TSKS: variants seen among roughly 807,000 people sequenced by gnomAD.
TSKS encodes testis-specific serine kinase substrate.
Under a neutral mutation model 68.0 loss-of-function variants are expected in TSKS, and 27 were observed. The ratio of observed to expected loss-of-function variants is 0.40; its 90% confidence interval spans 0.29 to 0.55. The LOEUF is 0.55. Ranked by LOEUF, TSKS falls within the 20% of genes least tolerant of loss-of-function variation. The pLI is 0.53. For missense variants in TSKS, 806 were observed against 776.0 expected (o/e 1.04, Z -0.46); for synonymous variants, 331 against 340.4 (o/e 0.97, Z 0.30).
At position 49,745,347 on chromosome 19, in the gene TSKS, C is replaced by T. The variant is rs571483954; in HGVS notation, c.1042G>A (p.Val348Met). 1 of 1,596,158 alleles carries T rather than the reference C, an allele frequency of 6.3e-7. No individual in the cohort carries two copies. Among genetic ancestry groups the T allele is most frequent in the Non-Finnish European group, 8.5e-7 (1 of 1,175,706 alleles). ...CCGAGCAGCCGCAGGGCTTCCTGCA[C>T]CGCCCCCTCCTCCTGATGCCACCGG... ...TARWHQEEGA[V>M]QEALRLLGGL... Residue 348 changes from valine to methionine, a missense_variant, in exon 7 of 11, where the codon GTG (valine) becomes ATG (methionine). Val to Met is a conservative substitution (Grantham distance 21, BLOSUM62 1). Transcript: ENST00000246801.
At chr19:49,748,572 T>C in intron 2 of TSKS, 103 bp from the exon 3 acceptor site, 1 of 1,086,318 alleles carries the variant, frequency 9.2e-7, no homozygotes, top group South Asian at 1.5e-5. Flanking sequence ...ACCTTGATTT[T>C]GCCCTGGAAT....
chr19:49,761,984 G>A lies in TSKS; in HGVS notation c.399+20C>T, dbSNP rs1440203924. The stretch of plus-strand genomic sequence containing the variant: ...GGAGGACCTCGGTCCTCCCCAGCGG[G>A]TGGTGTGGAGGGCCCTCACCAGGAT... On this transcript the variant is annotated intron_variant, in intron 2 of 10. Coordinates refer to ENST00000246801, the MANE Select transcript of TSKS (RefSeq NM_021733.2). The A allele has an allele frequency of 6.3e-7, 1 of 1,585,046 alleles. No homozygotes were observed. Among genetic ancestry groups the A allele is most frequent in the Non-Finnish European group, 8.7e-7 (1 of 1,155,606 alleles).
At chr19:49,759,194 G>A (rs954377029) in intron 2 of TSKS, among the ~76,000 whole-genome samples, 3 of 151,402 alleles carry the variant, frequency 2.0e-5, no homozygotes, top group Admixed American at 6.6e-5. Context: ...GGTGAAGCCG[G>A]GAGCGGTGGC....
chr19:49,747,942 C>G (rs1370756918), intron 4 of TSKS, 143 bp downstream of exon 4: 5 of 756,628 alleles, frequency 6.6e-6, no homozygotes, highest in Non-Finnish European at 1.1e-5. Flanking sequence ...CTCCTGACCT[C>G]AGGTGATCTG....
At chr19:49,761,006 T>C (rs901859303) in intron 2 of TSKS, among the ~76,000 whole-genome samples, 1 of 152,010 alleles carries the variant, frequency 6.6e-6, no homozygotes, top group Non-Finnish European at 1.5e-5. Context: ...GAGAATGGCT[T>C]GAACCCGGCC....
At chr19:49,741,744 G>T in intron 9 of TSKS, 141 bp downstream of exon 9, 1 of 1,154,026 alleles carries the variant, frequency 8.7e-7, no homozygotes, top group Non-Finnish European at 1.3e-6. Context: ...TTAGGGCCAA[G>T]TCCTCCCCCA....
intron 6 of TSKS, among the ~76,000 whole-genome samples, chr19:49,746,116 G>A (rs368556872): frequency 3.9e-5 from 6 of 152,250 alleles, no homozygotes; most frequent in African/African-American, 1.4e-4. Flanking sequence ...CCGGGAGGCG[G>A]AGCTTGCAGT....
intron 7 of TSKS, 72 bp from the exon 8 acceptor site, chr19:49,744,476 A>G: frequency 1.3e-6 from 2 of 1,508,504 alleles, no homozygotes; most frequent in African/African-American, 1.4e-5. Context: ...TCCACCCATT[A>G]TTAGCCCACC....
Position 49,745,238 on chromosome 19 carries a change from T to C in TSKS, c.1151A>G (p.Gln384Arg). The change falls in exon 7 of 11, where the codon CAG becomes CGG. Residue 384 changes from glutamine to arginine, a missense_variant. Coordinates refer to ENST00000246801, the MANE Select transcript of TSKS (RefSeq NM_021733.2). ...REQAQTARDL[Q>R]ELRGRADELC... Reference sequence around the variant, plus strand: ...CTCATCCGCCCGACCTCGCAGCTCCTGCAAGTCCCGCGCCGTCTGTGCCTG... The same window carrying C: ...CTCATCCGCCCGACCTCGCAGCTCCCGCAAGTCCCGCGCCGTCTGTGCCTG... The C allele has an allele frequency of 6.2e-7, 1 of 1,606,936 alleles. No individual in the cohort carries two copies. Among genetic ancestry groups the C allele is most frequent in the African/African-American group, 1.3e-5 (1 of 74,974 alleles).
intron 8 of TSKS, among the ~76,000 whole-genome samples, chr19:49,742,312 G>A (rs990992833): frequency 1.3e-5 from 2 of 149,102 alleles, no homozygotes; most frequent in East Asian, 2.0e-4. Flanking sequence ...ATTCTCCTGC[G>A]TCAGCCTCCC....
rs766426447 is a variant in TSKS, at chr19:49,763,039, G to A, written c.170+39C>T. ...TCCTGCTCTGTTGGAGGTAGTGCTGGGCATTAGAACCATCCCTGACAGTGT... is the reference window on the plus strand; with the variant it reads ...TCCTGCTCTGTTGGAGGTAGTGCTGAGCATTAGAACCATCCCTGACAGTGT... On this transcript the variant is annotated intron_variant, in intron 1 of 10. Transcript: ENST00000246801. This position sits in a 1 kb window ranked among gnomAD's most constrained non-coding sequence, Gnocchi z 4.5. The A allele has an allele frequency of 6.3e-7, 1 of 1,586,556 alleles. No homozygotes were observed. The highest frequency in any genetic ancestry group is 8.6e-7 in the Non-Finnish European group (1 of 1,167,114).
At chr19:49,757,749 C>G (rs1164665801) in intron 2 of TSKS, among the ~76,000 whole-genome samples, 1 of 152,008 alleles carries the variant, frequency 6.6e-6, no homozygotes, top group Non-Finnish European at 1.5e-5. Flanking sequence ...TGTGTCTGTT[C>G]CTTCTCTCTC....
In TSKS at chr19:49,743,501, T is replaced by C. The variant is rs558500573; in HGVS notation, c.1361+730A>G. On this transcript the variant is annotated intron_variant, in intron 8 of 10. Transcript: ENST00000246801. ...CGGGTCCAAGTGAATTTCTTTTTTT[T>C]TTTTTTTTTTTTTTGAGATGGAGTC... 9.3e-5 allele frequency among the ~76,000 whole-genome samples: 13 copies of C among 140,064 alleles called. No homozygotes were observed. In the East Asian group the frequency reaches 2.7e-3, roughly 29 times the overall value. The allele number at this position is 140,064 out of a possible 152,430, so 91.9% of individuals were successfully genotyped here. A position where few individuals can be genotyped will look rare whatever the true frequency, so the allele number is the denominator to read the frequency against.
At chr19:49,760,896 C>G (rs760146921) in intron 2 of TSKS, among the ~76,000 whole-genome samples, 4 of 152,064 alleles carry the variant, frequency 2.6e-5, no homozygotes, top group Non-Finnish European at 5.9e-5. Context: ...CGAGACCAGC[C>G]TGACCAACAT....
At chr19:49,741,832 C>T (rs1239242681) in intron 9 of TSKS, 53 bp downstream of exon 9, 2 of 1,612,086 alleles carry the variant, frequency 1.2e-6, no homozygotes, top group African/African-American at 2.7e-5. Context: ...TTCCCCTCCC[C>T]TTGCCCCAAC....
Position 49,742,000 on chromosome 19 carries a change from G to C in TSKS, c.1382C>G (p.Thr461Arg), listed in dbSNP as rs755133449. ...RCASQGSQLS[T>R]ESLQQLLDRA... Reference sequence around the variant, plus strand: ...GTCCAGCAGCTGCTGCAGGGACTCCGTAGACAACTGCGACCCCTGGCTGGG... The same window carrying C: ...GTCCAGCAGCTGCTGCAGGGACTCCCTAGACAACTGCGACCCCTGGCTGGG... The change falls in exon 9 of 11, where the codon ACG becomes AGG. Residue 461 changes from threonine (T) to arginine (R), a missense_variant. By Grantham distance (71) the Thr-to-Arg change is moderately conservative (BLOSUM62 -1). Transcript: ENST00000246801. The C allele has an allele frequency of 6.2e-7, 1 of 1,614,074 alleles. No individual in the cohort carries two copies. Among genetic ancestry groups the C allele is most frequent in the Non-Finnish European group, 8.5e-7 (1 of 1,180,022 alleles).
rs137906281 is a variant in TSKS, at chr19:49,759,841, AT to A, written c.399+2162del. Among the ~76,000 whole-genome samples the A allele has an allele frequency of 5.3e-3, 811 of 151,970 alleles. 6 individuals carry two copies. The highest frequency in any genetic ancestry group is 0.019 in the African/African-American group (784 of 41,456). ...TAGAGTGAGACCCTGTCTCAAAAAA[AT>A]AAAATAAAATAAAAAGAAAGAAAAA... On this transcript the variant is annotated intron_variant, in intron 2 of 10. Coordinates refer to ENST00000246801, the MANE Select transcript of TSKS (RefSeq NM_021733.2).
chr19:49,762,207 G>A lies in TSKS; in HGVS notation c.196C>T (p.Pro66Ser). The A allele has an allele frequency of 1.2e-6, 2 of 1,614,024 alleles. No individual in the cohort carries two copies. The highest frequency in any genetic ancestry group is 1.1e-5 in the South Asian group (1 of 91,080). Residue 66 changes from proline to serine, a missense_variant, in exon 2 of 11, where the codon CCC becomes TCC. Pro to Ser is a moderately conservative substitution (Grantham distance 74). Transcript: ENST00000246801. Reference protein sequence around the residue: ...HGVEPQMSHQPMHWCLNLKRS... With the variant: ...HGVEPQMSHQSMHWCLNLKRS... The stretch of plus-strand genomic sequence containing the variant: ...TTGAGGTTCAGGCACCAGTGCATGG[G>A]CTGATGGGACATCTGGGGCTCCACC...
rs760190130 is a variant in TSKS, at chr19:49,745,193, A to G, written c.1187+9T>C. 6.4e-7 allele frequency: 1 copy of G among 1,568,756 alleles called. No individual in the cohort carries two copies. The highest frequency in any genetic ancestry group is 8.7e-7 in the Non-Finnish European group (1 of 1,152,406). The stretch of plus-strand genomic sequence containing the variant: ...TCCGGTCTTCCCATGCACTGGCCCC[A>G]ATCCTCACATGGTGCACAGCTCATC... On this transcript the variant is annotated intron_variant, in intron 7 of 10. Coordinates refer to ENST00000246801, the MANE Select transcript of TSKS (RefSeq NM_021733.2).
Sources: allele counts gnomAD v4.1 joint callset (sites outside exome capture counted in the v4.1 genomes callset), GRCh38; gene constraint gnomAD v4.1.1; non-coding constraint Gnocchi (gnomAD v3.1); transcripts MANE v1.5; gene names NCBI Gene and HGNC (gene_info 2026-07-23, HGNC 2026-07-21).